Variants in DST observed in about 807,000 individuals in gnomAD.
DST encodes dystonin.
DST carries 253 observed loss-of-function variants against 875.2 expected under a neutral mutation model. The observed-to-expected ratio is 0.29, with a 90% CI of 0.26 to 0.32. The LOEUF (loss-of-function observed/expected upper bound fraction) is 0.32, where lower values mean the gene tolerates loss of function less well. DST is among the 10% of genes least tolerant of loss of function. DST has a pLI of 1.00. For missense variants in DST, 8,287 were observed against 9,111.6 expected (o/e 0.91, Z 3.68); for synonymous variants, 3,124 against 3,197.1 (o/e 0.98, Z 0.77).
chr6:56,756,283 G>C (rs1215096331), intron 4 of DST, among the ~76,000 whole-genome samples: 1 of 152,076 alleles, frequency 6.6e-6, no homozygotes. Flanking sequence ...TCCTAGCAGG[G>C]AGAGGGGGCT....
intron 61 of DST, among the ~76,000 whole-genome samples, chr6:56,542,110 G>C (rs529025467): frequency 6.6e-6 from 1 of 152,172 alleles, no homozygotes; most frequent in South Asian, 2.1e-4. Flanking sequence ...CCATGCTCCA[G>C]AAATTTAAAA....
Position 56,642,337 on chromosome 6 carries a change from T to A in DST, c.1872+73A>T, listed in dbSNP as rs1024195. 4 of 1,114,484 alleles carry A rather than the reference T, an allele frequency of 3.6e-6. No individual in the cohort carries two copies. The East Asian group carries it at 9.4e-5, about 26-fold the overall frequency. The allele number at this position is 1,114,484 out of a possible 1,614,324, so 69.0% of individuals were successfully genotyped here. A position where few individuals can be genotyped will look rare whatever the true frequency, so the allele number is the denominator to read the frequency against. ...TACGAAGAATCAACCAAACATTATGTAAAAGTTTTAGTTCATCCAAACGCA... is the reference window on the plus strand; with the variant it reads ...TACGAAGAATCAACCAAACATTATGAAAAAGTTTTAGTTCATCCAAACGCA... On this transcript the variant is annotated intron_variant, in intron 16 of 103. Coordinates refer to ENST00000680361, the MANE Select transcript of DST (RefSeq NM_001374736.1).
chr6:56,785,766 G>A (rs957841453), intron 4 of DST: 4 of 156,426 alleles, frequency 2.6e-5, no homozygotes, highest in Non-Finnish European at 4.2e-5. Context: ...AGATGAACCC[G>A]GTACCTCAAA....
rs1175148250 is a variant in DST, at chr6:56,607,616, C to T, written c.7012G>A (p.Val2338Met). The change falls in exon 40 of 104, where the codon GTG becomes ATG. Residue 2338 changes from valine (V) to methionine (M), a missense_variant. Physicochemically the swap from Val to Met is conservative, Grantham distance 21 (BLOSUM62 1). Around this residue, in one of 10 missense-constraint regions of DST, gnomAD observed 3,138 missense variants for 3,116.6 expected, o/e 1.01. Coordinates refer to ENST00000680361, the MANE Select transcript of DST (RefSeq NM_001374736.1). ...TATGATATGAGACTGGGAACACACACACTGGGTGAACTGTTAACTTTAGGA... is the reference window on the plus strand; with the variant it reads ...TATGATATGAGACTGGGAACACACATACTGGGTGAACTGTTAACTTTAGGA... The part of the protein sequence containing the change: ...IDPKVNSSPS[V>M]CVPSLISYLT... 1 of 1,613,228 alleles carries T rather than the reference C, an allele frequency of 6.2e-7. No individual in the cohort carries two copies. The highest frequency in any genetic ancestry group is 1.3e-5 in the African/African-American group (1 of 74,910).
At chr6:56,762,026 T>C (rs1488848101) in intron 4 of DST, among the ~76,000 whole-genome samples, 2 of 136,278 alleles carry the variant, frequency 1.5e-5, no homozygotes, top group African/African-American at 6.6e-5. Context: ...ACTCCAGAAA[T>C]GTTTTTTTTT....
chr6:56,585,256 T>C (rs1327470765), intron 49 of DST, among the ~76,000 whole-genome samples: 7 of 152,214 alleles, frequency 4.6e-5, no homozygotes, highest in Admixed American at 6.5e-5. Flanking sequence ...CTATTGATTA[T>C]TGCCACAATT....
In DST at chr6:56,615,890, C is replaced by T. The variant is rs750795372; in HGVS notation, c.4930-1406G>A. ...TTTGTTAGTGATGGGATGGCCAATCCCTGTGATTACTAATTCACACTGTCG... is the reference window on the plus strand; with the variant it reads ...TTTGTTAGTGATGGGATGGCCAATCTCTGTGATTACTAATTCACACTGTCG... On this transcript the variant is annotated intron_variant, in intron 36 of 103. Transcript: ENST00000680361. 26 of 1,614,036 alleles carry T rather than the reference C, an allele frequency of 1.6e-5. No homozygotes were observed. Among genetic ancestry groups the T allele is most frequent in the Non-Finnish European group, 1.9e-5 (23 of 1,180,010 alleles).
At position 56,762,357 on chromosome 6, in the gene DST, T is replaced by C. The variant is rs770721415; in HGVS notation, c.626-27068A>G. On this transcript the variant is annotated intron_variant, in intron 4 of 103. Transcript: ENST00000680361. ...ATAACTTGAAAGTGAGAAGGGGCTT[T>C]AGAAATCATCTCAGAATGGCCTACT... is the stretch of plus-strand genomic sequence containing the variant. Among the ~76,000 whole-genome samples the C allele has an allele frequency of 5.2e-4, 79 of 152,176 alleles. 1 individual carries two copies. The highest frequency in any genetic ancestry group is 1.6e-4 in the Non-Finnish European group (11 of 68,024).
intron 50 of DST, among the ~76,000 whole-genome samples, chr6:56,578,360 T>C (rs2097907801): frequency 6.6e-6 from 1 of 152,092 alleles, no homozygotes; most frequent in Non-Finnish European, 1.5e-5. Context: ...GGCAATAAAG[T>C]AACCCCTGTC....
At chr6:56,928,763 A>G (rs960388397) in intron 2 of DST, among the ~76,000 whole-genome samples, 2 of 152,156 alleles carry the variant, frequency 1.3e-5, no homozygotes, top group African/African-American at 4.8e-5. Flanking sequence ...AATGAAACCA[A>G]TAGCTTCACT....
At chr6:56,693,158 T>C (rs2099243516) in intron 9 of DST, 2 of 1,276,428 alleles carry the variant, frequency 1.6e-6, no homozygotes, top group African/African-American at 1.5e-5. Flanking sequence ...ATTTGATTTG[T>C]AGGAGATCAC....
In DST at chr6:56,508,684, C is replaced by T. The variant is rs772550948; in HGVS notation, c.19084G>A (p.Ala6362Thr). The change falls in exon 75 of 104, where the codon GCC (alanine) becomes ACC (threonine). Residue 6362 changes from alanine to threonine, a missense_variant. Ala to Thr is a moderately conservative substitution (Grantham distance 58). Transcript: ENST00000680361. ...AGCTCCATCACATCCAGTAGTTTGG[C>T]TTCCCTCTCTTCCACCAGTGTGTGT... ...NIHTLVEERE[A>T]KLLDVMELAE... 4 of 1,613,742 alleles carry T rather than the reference C, an allele frequency of 2.5e-6. No individual in the cohort carries two copies. In the Admixed American group the frequency reaches 5.0e-5, roughly 20 times the overall value.
intron 49 of DST, among the ~76,000 whole-genome samples, chr6:56,588,391 T>G (rs753342266): frequency 1.3e-5 from 2 of 152,204 alleles, no homozygotes; most frequent in African/African-American, 2.4e-5. Flanking sequence ...CACCTTTTAA[T>G]ACTCAGCTGG....
Position 56,606,608 on chromosome 6 carries a change from C to A in DST, c.8020G>T (p.Ala2674Ser), listed in dbSNP as rs1410714571. The change falls in exon 40 of 104, where the codon GCA becomes TCA. Residue 2674 changes from alanine to serine, a missense_variant. Physicochemically the swap from Ala to Ser is moderately conservative, Grantham distance 99. Coordinates refer to ENST00000680361, the MANE Select transcript of DST (RefSeq NM_001374736.1). ...TTCACACTTAAGCTACCAACTGGTG[C>A]CCCCTGGGGAACCATGGAATTTTCA... ...ENENSMVPQGAPVGSLSVKNK... is the reference protein window; with the variant it reads ...ENENSMVPQGSPVGSLSVKNK... 6.2e-7 allele frequency: 1 copy of A among 1,613,466 alleles called. No homozygotes were observed. Among genetic ancestry groups the A allele is most frequent in the Non-Finnish European group, 8.5e-7 (1 of 1,179,562 alleles).
At chr6:56,774,824 C>G (rs1391651568) in intron 4 of DST, among the ~76,000 whole-genome samples, 2 of 151,946 alleles carry the variant, frequency 1.3e-5, no homozygotes, top group Non-Finnish European at 2.9e-5. Context: ...GAAACCCCAT[C>G]TCTACTAAAA....
chr6:56,532,334 T>C lies in DST; in HGVS notation c.17108+10A>G, dbSNP rs191140581. The C allele has an allele frequency of 1.6e-3, 2,525 of 1,612,806 alleles. 2 individuals carry two copies. Among genetic ancestry groups the C allele is most frequent in the Middle Eastern group, 2.8e-3 (17 of 6,060 alleles). ...TACTCTTTCAAAAGAACTGGAAGTA[T>C]ATAAGTTACCTTGTTTCAGCTTTAT... is the stretch of plus-strand genomic sequence containing the variant. On this transcript the variant is annotated intron_variant, in intron 64 of 103. Coordinates refer to ENST00000680361, the MANE Select transcript of DST (RefSeq NM_001374736.1).
At chr6:56,949,226 G>GA (rs1821151828) in intron 2 of DST, among the ~76,000 whole-genome samples, 2 of 152,216 alleles carry the variant, frequency 1.3e-5, no homozygotes, top group South Asian at 2.1e-4. Context: ...TTGGATGCAT[G>GA]AAAAAAAGTG....
At chr6:56,580,496 C>T (rs1363841125) in intron 49 of DST, among the ~76,000 whole-genome samples, 1 of 151,904 alleles carries the variant, frequency 6.6e-6, no homozygotes, top group Non-Finnish European at 1.5e-5. Context: ...CTGCAGTGGG[C>T]TATGATCATG....
intron 38 of DST, 142 bp downstream of exon 38, chr6:56,611,366 C>T (rs2098542987): frequency 4.9e-6 from 3 of 617,078 alleles, no homozygotes; most frequent in Non-Finnish European, 8.5e-6. Flanking sequence ...TAAGTTGATA[C>T]TCTTTACATT....
Sources: allele counts gnomAD v4.1 joint callset (sites outside exome capture counted in the v4.1 genomes callset), GRCh38; gene constraint gnomAD v4.1.1; regional missense constraint gnomAD v4.1.1; transcripts MANE v1.5; gene names NCBI Gene and HGNC (gene_info 2026-07-23, HGNC 2026-07-21).